Variants in EDF1 observed in about 807,000 individuals in gnomAD.
EDF1 encodes the protein endothelial differentiation related factor 1.
A neutral mutation model predicts 20.8 loss-of-function variants in EDF1; 5 were observed. The ratio of observed to expected loss-of-function variants is 0.24; its 90% CI spans 0.13 to 0.51. EDF1 has a LOEUF of 0.51. Among genes scored for constraint, EDF1 ranks in the 20% least tolerant of loss-of-function variants. EDF1 has a pLI of 0.97. For synonymous variants in EDF1, 96 were observed against 78.5 expected, an observed-to-expected ratio of 1.22 and a Z score of -1.18; for missense variants, 137 against 197.8, an observed-to-expected ratio of 0.69 and a Z score of 1.84.
In EDF1 at chr9:136,863,123, G is replaced by C. The variant is rs994374189; in HGVS notation, c.292-124C>G. 3.9e-6 allele frequency: 6 copies of C among 1,522,346 alleles called. No homozygotes were observed. The highest frequency in any genetic ancestry group is 5.4e-6 in the Non-Finnish European group (6 of 1,114,420). 94.3% of individuals were successfully genotyped at this position (1,522,346 alleles called of 1,614,324 possible). A position where few individuals can be genotyped will look rare whatever the true frequency, so the allele number is the denominator to read the frequency against. Reference sequence around the variant, plus strand: ...GGGGTACGCACCCACACGCAGCTGGGTTTTGTGCGAGAGGCAGTGAGAGCC... The same window carrying C: ...GGGGTACGCACCCACACGCAGCTGGCTTTTGTGCGAGAGGCAGTGAGAGCC... On this transcript the variant is annotated intron_variant, in intron 3 of 4. Coordinates refer to ENST00000224073, the MANE Select transcript of EDF1 (RefSeq NM_003792.4). This position sits in a 1 kb window ranked among gnomAD's most constrained non-coding sequence, Gnocchi z 4.5.
Position 136,862,918 on chromosome 9 carries a change from C to T in EDF1, c.373G>A (p.Glu125Lys). The change falls in exon 4 of 5, where the codon GAG becomes AAG. Residue 125 changes from glutamate (E) to lysine (K), a missense_variant. Transcript: ENST00000224073. The surrounding 1 kb of genome is among the most constrained non-coding windows in gnomAD (Gnocchi z 4.1). Reference protein sequence around the residue: ...IPNNQVLGKIERAIGLKLRGK... With the variant: ...IPNNQVLGKIKRAIGLKLRGK... ...GAGGGACACTCACCAATGGCCCGCT[C>T]GATTTTGCCAAGCACCTGGTTATTG... is the stretch of plus-strand genomic sequence containing the variant. 6.2e-7 allele frequency: 1 copy of T among 1,613,742 alleles called. No individual in the cohort carries two copies. The highest frequency in any genetic ancestry group is 8.5e-7 in the Non-Finnish European group (1 of 1,180,028).
rs917430930 is a variant in EDF1, at chr9:136,866,245, T to C, written c.14A>G (p.Asp5Gly). Residue 5 changes from aspartate (D) to glycine (G), a missense_variant, in exon 1 of 5, where the codon GAC (aspartate) becomes GGC (glycine). Transcript: ENST00000224073. The stretch of plus-strand genomic sequence containing the variant: ...GCGCAGCACCGTCACCGTGTCCCAG[T>C]CGCTCTCGGCCATGGCGGGCGAAGA... MAES[D>G]WDTVTVLRKK... is the part of the protein sequence containing the mutation. 3.1e-5 allele frequency: 50 copies of C among 1,600,128 alleles called. No homozygotes were observed. Among genetic ancestry groups the C allele is most frequent in the Non-Finnish European group, 4.2e-5 (49 of 1,175,440 alleles).
At chr9:136,865,692 G>A (rs1849204228) in intron 1 of EDF1, among the ~76,000 whole-genome samples, 1 of 141,254 alleles carries the variant, frequency 7.1e-6, no homozygotes, top group Non-Finnish European at 1.5e-5. Context: ...CTCCATCCCT[G>A]CCCCCGTTCC....
Position 136,863,349 on chromosome 9 carries a change from AC to A in EDF1, c.229del (p.Val77TrpfsTer4), listed in dbSNP as rs1341471989. 6.2e-7 allele frequency: 1 copy of A among 1,613,592 alleles called. No individual in the cohort carries two copies. Among genetic ancestry groups the A allele is most frequent in the Non-Finnish European group, 8.5e-7 (1 of 1,179,952 alleles). On this transcript the variant is annotated frameshift_variant, in exon 3 of 5. Coordinates refer to ENST00000224073, the MANE Select transcript of EDF1 (RefSeq NM_003792.4). LOFTEE classifies it high-confidence loss of function. This position sits in a 1 kb window ranked among gnomAD's most constrained non-coding sequence, Gnocchi z 4.5. ...ELHHDRVTLE[V>X]GKVIQQGRQS... ...CCGACCTTGCTGGATCACCTTGCCC[AC>A]CTCCAGGGTCACCCTGTCATGGTGC... is the stretch of plus-strand genomic sequence containing the variant.
chr9:136,865,295 C>T (rs1320386692), intron 1 of EDF1, among the ~76,000 whole-genome samples: 2 of 152,220 alleles, frequency 1.3e-5, no homozygotes. Flanking sequence ...GTTCAGGGCA[C>T]GCCCATCTTC....
In EDF1 at chr9:136,862,775, G is replaced by C; in HGVS notation, c.385+131C>G. ...AGTCTGTACTACCTGGAGAAGCAAA[G>C]CTCCAGAATTCAGAGAACAGGGGAC... On this transcript the variant is annotated intron_variant, in intron 4 of 4. Coordinates refer to ENST00000224073, the MANE Select transcript of EDF1 (RefSeq NM_003792.4). This position sits in a 1 kb window ranked among gnomAD's most constrained non-coding sequence, Gnocchi z 4.1. 2 of 1,600,520 alleles carry C rather than the reference G, an allele frequency of 1.2e-6. No individual in the cohort carries two copies. Among genetic ancestry groups the C allele is most frequent in the Non-Finnish European group, 1.7e-6 (2 of 1,175,266 alleles).
Position 136,863,130 on chromosome 9 carries a change from G to T in EDF1, c.292-131C>A. ...GCACCCACACGCAGCTGGGTTTTGTGCGAGAGGCAGTGAGAGCCGGGCTGA... is the reference window on the plus strand; with the variant it reads ...GCACCCACACGCAGCTGGGTTTTGTTCGAGAGGCAGTGAGAGCCGGGCTGA... On this transcript the variant is annotated intron_variant, in intron 3 of 4. Coordinates refer to ENST00000224073, the MANE Select transcript of EDF1 (RefSeq NM_003792.4). This position sits in a 1 kb window ranked among gnomAD's most constrained non-coding sequence, Gnocchi z 4.5. 2.0e-6 allele frequency: 3 copies of T among 1,513,500 alleles called. No homozygotes were observed. Among genetic ancestry groups the T allele is most frequent in the Non-Finnish European group, 2.7e-6 (3 of 1,109,356 alleles). 93.8% of individuals were successfully genotyped at this position (1,513,500 alleles called of 1,614,324 possible). A position where few individuals can be genotyped will look rare whatever the true frequency, so the allele number is the denominator to read the frequency against.
In EDF1 at chr9:136,862,486, G is replaced by A; in HGVS notation, c.386-141C>T. ...GGGCTCTCAGCACACGAGCACTCCT[G>A]GTTCCCACATCTAATTTTGAAGAGG... On this transcript the variant is annotated intron_variant, in intron 4 of 4. Transcript: ENST00000224073. The surrounding 1 kb of genome is among the most constrained non-coding windows in gnomAD (Gnocchi z 4.1). The A allele has an allele frequency of 6.2e-7, 1 of 1,612,478 alleles. No individual in the cohort carries two copies. Among genetic ancestry groups the A allele is most frequent in the Non-Finnish European group, 8.5e-7 (1 of 1,179,850 alleles).
In EDF1 at chr9:136,863,165, C is replaced by G; in HGVS notation, c.291+123G>C. Reference sequence around the variant, plus strand: ...GTGAGAGCCGGGCTGACCTGGCTTCCCGAGGCATTCCCTGCAGGGGAACCA... The same window carrying G: ...GTGAGAGCCGGGCTGACCTGGCTTCGCGAGGCATTCCCTGCAGGGGAACCA... On this transcript the variant is annotated intron_variant, in intron 3 of 4. Coordinates refer to ENST00000224073, the MANE Select transcript of EDF1 (RefSeq NM_003792.4). The surrounding 1 kb of genome is among the most constrained non-coding windows in gnomAD (Gnocchi z 4.5). 1 of 1,532,128 alleles carries G rather than the reference C, an allele frequency of 6.5e-7. No homozygotes were observed. Among genetic ancestry groups the G allele is most frequent in the Non-Finnish European group, 8.8e-7 (1 of 1,133,910 alleles). 94.9% of individuals were successfully genotyped at this position (1,532,128 alleles called of 1,614,324 possible). A position where few individuals can be genotyped will look rare whatever the true frequency, so the allele number is the denominator to read the frequency against.
Position 136,863,887 on chromosome 9 carries a change from A to T in EDF1, c.79-16T>A. ...CTAAGATAGCCTAGAAAATTAGAAA[A>T]CATCAGTGGATCAAAATTAGCTTTG... On this transcript the variant is annotated splice_polypyrimidine_tract_variant and intron_variant, in intron 1 of 4. Coordinates refer to ENST00000224073, the MANE Select transcript of EDF1 (RefSeq NM_003792.4). This position sits in a 1 kb window ranked among gnomAD's most constrained non-coding sequence, Gnocchi z 4.5. The T allele has an allele frequency of 6.2e-7, 1 of 1,613,612 alleles. No homozygotes were observed. Among genetic ancestry groups the T allele is most frequent in the Non-Finnish European group, 8.5e-7 (1 of 1,179,942 alleles).
rs569022472 is a variant in EDF1 at position 136,866,279 on chromosome 9, C to A, written c.-21G>T. 17 of 1,591,766 alleles carry A rather than the reference C, an allele frequency of 1.1e-5. No homozygotes were observed. Among genetic ancestry groups the A allele is most frequent in the East Asian group, 7.0e-5 (3 of 42,660 alleles). ...GCCATGGCGGGCGAAGACGAGCGTC[C>A]GTCCGGCGGCTCAGCGGCAGCTGCT... On this transcript the variant is annotated 5_prime_UTR_variant, in exon 1 of 5. Coordinates refer to ENST00000224073, the MANE Select transcript of EDF1 (RefSeq NM_003792.4).
intron 1 of EDF1, among the ~76,000 whole-genome samples, chr9:136,865,556 C>G (rs1588401871): frequency 6.6e-6 from 1 of 151,910 alleles, no homozygotes; most frequent in Non-Finnish European, 1.5e-5. Flanking sequence ...TGTCCAATGG[C>G]CCCCAGCCCT....
chr9:136,863,926 C>A lies in EDF1; in HGVS notation c.79-55G>T. ...AAATTAGCTTTGACAGTATCCAGCACACACCAATTCAGGCCTGCTGTTAGC... is the reference window on the plus strand; with the variant it reads ...AAATTAGCTTTGACAGTATCCAGCAAACACCAATTCAGGCCTGCTGTTAGC... On this transcript the variant is annotated intron_variant, in intron 1 of 4. Transcript: ENST00000224073. The surrounding 1 kb of genome is among the most constrained non-coding windows in gnomAD (Gnocchi z 4.5). The A allele has an allele frequency of 6.3e-7, 1 of 1,590,612 alleles. No homozygotes were observed. The highest frequency in any genetic ancestry group is 8.6e-7 in the Non-Finnish European group (1 of 1,161,226).
Position 136,863,834 on chromosome 9 carries a change from T to C in EDF1, c.116A>G (p.Glu39Gly). 6.2e-7 allele frequency: 1 copy of C among 1,613,912 alleles called. No individual in the cohort carries two copies. Among genetic ancestry groups the C allele is most frequent in the Non-Finnish European group, 8.5e-7 (1 of 1,179,984 alleles). Residue 39 changes from glutamate to glycine, a missense_variant, in exon 2 of 5, where the codon GAG (glutamate) becomes GGG (glycine). Physicochemically the swap from Glu to Gly is moderately conservative, Grantham distance 98 (BLOSUM62 -2). Coordinates refer to ENST00000224073, the MANE Select transcript of EDF1 (RefSeq NM_003792.4). This position sits in a 1 kb window ranked among gnomAD's most constrained non-coding sequence, Gnocchi z 4.5. ...CAAGTACCTACATTTCTTGGAAGTC[T>C]CCACATCTTCTCCTCGTCTCTGTGC... Reference protein sequence around the residue: ...LAAQRRGEDVETSKKWAAGQN... With the variant: ...LAAQRRGEDVGTSKKWAAGQN...
chr9:136,862,296 A>C lies in EDF1; in HGVS notation c.435T>G (p.Pro145=), dbSNP rs757144555. The change falls in exon 5 of 5, where the codon CCT becomes CCG. Residue 145 remains proline (P), a synonymous_variant. Transcript: ENST00000224073. This position sits in a 1 kb window ranked among gnomAD's most constrained non-coding sequence, Gnocchi z 4.1. ...KDIGKPIEKG[P]RAK ...CGAGGCTTTGTGTTCATTTCGCCCT[A>C]GGCCCCTTCTCGATGGGCTTTCCAA... 2.5e-6 allele frequency: 4 copies of C among 1,613,722 alleles called. No homozygotes were observed. The South Asian group carries it at 3.3e-5, about 13-fold the overall frequency.
chr9:136,866,299 G>T lies in EDF1; in HGVS notation c.-41C>A. On this transcript the variant is annotated 5_prime_UTR_variant, in exon 1 of 5. It adds an upstream start codon to the 5' untranslated region. Transcript: ENST00000224073. Reference sequence around the variant, plus strand: ...GCGTCCGTCCGGCGGCTCAGCGGCAGCTGCTAGAGACCTGGCGCGGCGACG... The same window carrying T: ...GCGTCCGTCCGGCGGCTCAGCGGCATCTGCTAGAGACCTGGCGCGGCGACG... The T allele has an allele frequency of 6.3e-7, 1 of 1,585,600 alleles. No individual in the cohort carries two copies. The highest frequency in any genetic ancestry group is 8.5e-7 in the Non-Finnish European group (1 of 1,170,506).
Position 136,863,912 on chromosome 9 carries a change from G to A in EDF1, c.79-41C>T. On this transcript the variant is annotated intron_variant, in intron 1 of 4. Transcript: ENST00000224073. This position sits in a 1 kb window ranked among gnomAD's most constrained non-coding sequence, Gnocchi z 4.5. The stretch of plus-strand genomic sequence containing the variant: ...ACATCAGTGGATCAAAATTAGCTTT[G>A]ACAGTATCCAGCACACACCAATTCA... 1.2e-6 allele frequency: 2 copies of A among 1,609,106 alleles called. No individual in the cohort carries two copies. The highest frequency in any genetic ancestry group is 1.7e-6 in the Non-Finnish European group (2 of 1,176,692).
Position 136,866,244 on chromosome 9 carries a change from G to A in EDF1, c.15C>T (p.Asp5=), listed in dbSNP as rs145579853. The change falls in exon 1 of 5, where the codon GAC becomes GAT. Residue 5 remains aspartate, a synonymous_variant. Transcript: ENST00000224073. MAES[D]WDTVTVLRKK... is the part of the protein sequence containing the mutation. ...TGCGCAGCACCGTCACCGTGTCCCA[G>A]TCGCTCTCGGCCATGGCGGGCGAAG... is the stretch of plus-strand genomic sequence containing the variant. The A allele has an allele frequency of 1.9e-6, 3 of 1,600,156 alleles. No individual in the cohort carries two copies. The highest frequency in any genetic ancestry group is 2.6e-6 in the Non-Finnish European group (3 of 1,175,440).
chr9:136,866,147 G>C (rs531974108), intron 1 of EDF1, 34 bp downstream of exon 1: 1 of 1,570,216 alleles, frequency 6.4e-7, no homozygotes, highest in East Asian at 2.5e-5. Flanking sequence ...CGTCCGCCCC[G>C]CCCGGCCCGG....
Sources: allele counts gnomAD v4.1 joint callset (sites outside exome capture counted in the v4.1 genomes callset), GRCh38; gene constraint gnomAD v4.1.1; non-coding constraint Gnocchi (gnomAD v3.1); transcripts MANE v1.5; gene names NCBI Gene and HGNC (gene_info 2026-07-23, HGNC 2026-07-21).